The following NTM variants were observed in gnomAD, a reference collection of about 807,000 sequenced individuals.
NTM encodes the protein neurotrimin.
NTM carries 13 observed loss-of-function variants against 42.1 expected under a neutral mutation model. The ratio of observed to expected loss-of-function variants is 0.31; its 90% CI spans 0.20 to 0.49. The LOEUF (loss-of-function observed/expected upper bound fraction) is 0.49. Ranked by LOEUF, NTM falls within the 20% of genes least tolerant of loss-of-function variation. The pLI is 0.99. For missense variants in NTM, 373 were observed against 452.8 expected, an observed-to-expected ratio of 0.82 and a Z score of 1.60; for synonymous variants, 187 against 179.2, an observed-to-expected ratio of 1.04 and a Z score of -0.35.
intron 2 of NTM, among the ~76,000 whole-genome samples, chr11:131,971,962 G>A (rs2063596609): frequency 6.6e-6 from 1 of 150,626 alleles, no homozygotes; most frequent in Non-Finnish European, 1.5e-5. Flanking sequence ...AGAATGGCCT[G>A]AACCCTGGAT....
intron 3 of NTM, among the ~76,000 whole-genome samples, chr11:132,210,271 A>C (rs1221034889): frequency 6.6e-6 from 1 of 152,206 alleles, no homozygotes; most frequent in Non-Finnish European, 1.5e-5. Context: ...TGGAGGGGAC[A>C]CTTAACTTGC....
intron 2 of NTM, among the ~76,000 whole-genome samples, chr11:132,058,585 G>C (rs1310333032): frequency 6.6e-6 from 1 of 152,122 alleles, no homozygotes; most frequent in Non-Finnish European, 1.5e-5. Context: ...CTCTCTGCTT[G>C]CTATCTTTCA....
At chr11:131,475,016 A>AC (rs749876279) in intron 1 of NTM, among the ~76,000 whole-genome samples, 32 of 152,306 alleles carry the variant, frequency 2.1e-4, no homozygotes, top group Admixed American at 1.2e-3. Context: ...ACTTGTAATT[A>AC]CCCCAAACAA....
intron 1 of NTM, 136 bp downstream of exon 1, chr11:131,371,024 G>A: frequency 6.8e-7 from 1 of 1,479,664 alleles, no homozygotes; most frequent in Non-Finnish European, 8.9e-7. Flanking sequence ...CAGCATGGCT[G>A]GGACTTCATT....
At chr11:132,333,932 A>T (rs1465810760) in intron 8 of NTM, among the ~76,000 whole-genome samples, 1 of 152,254 alleles carries the variant, frequency 6.6e-6, no homozygotes, top group Non-Finnish European at 1.5e-5. Context: ...CCAGAAATGT[A>T]TCCAACGCTG....
chr11:131,472,323 T>C (rs1952512054), intron 1 of NTM, among the ~76,000 whole-genome samples: 1 of 152,178 alleles, frequency 6.6e-6, no homozygotes, highest in African/African-American at 2.4e-5. Flanking sequence ...GCAAAGGTGT[T>C]TGGGAAGACC....
At chr11:131,645,898 A>G (rs1166412362) in intron 1 of NTM, among the ~76,000 whole-genome samples, 1 of 152,208 alleles carries the variant, frequency 6.6e-6, no homozygotes, top group East Asian at 1.9e-4. Context: ...AGAAACGTTC[A>G]TGACGTTTGG....
In NTM at chr11:131,712,379, G is replaced by A. The variant is rs985508390; in HGVS notation, c.83-199185G>A. On this transcript the variant is annotated intron_variant, in intron 1 of 8. Coordinates refer to ENST00000683400, the MANE Select transcript of NTM (RefSeq NM_001352005.2). ...TGTTAGCTGTAAGAACTACCTTCTC[G>A]GAAACTTCTGTGTATATATTTATAG... Among the ~76,000 whole-genome samples, 98 of 151,846 alleles carry A rather than the reference G, an allele frequency of 6.5e-4. 1 individual carries two copies. The highest frequency in any genetic ancestry group is 6.3e-3 in the Admixed American group (96 of 15,240).
At chr11:131,813,599 A>T (rs756871047) in intron 1 of NTM, among the ~76,000 whole-genome samples, 5 of 152,216 alleles carry the variant, frequency 3.3e-5, no homozygotes, top group Non-Finnish European at 5.9e-5. Flanking sequence ...GATGTTACAG[A>T]TGAGGAGGCT....
At chr11:131,925,836 C>T (rs970058519) in intron 2 of NTM, among the ~76,000 whole-genome samples, 8 of 152,120 alleles carry the variant, frequency 5.3e-5, no homozygotes, top group Non-Finnish European at 1.2e-4. Context: ...TGCAGAGACA[C>T]GGGGCAAGAT....
At chr11:132,319,178 G>T (rs2095503194) in intron 7 of NTM, among the ~76,000 whole-genome samples, 1 of 152,190 alleles carries the variant, frequency 6.6e-6, no homozygotes, top group South Asian at 2.1e-4. Context: ...CCAGTCTACA[G>T]CTCCCAGTGT....
At chr11:132,171,965 C>T (rs1462913019) in intron 3 of NTM, among the ~76,000 whole-genome samples, 1 of 152,168 alleles carries the variant, frequency 6.6e-6, no homozygotes, top group African/African-American at 2.4e-5. Flanking sequence ...CTCTAATCCC[C>T]ACTAACTTCA....
At chr11:131,391,487 A>G (rs1943977704) in intron 1 of NTM, among the ~76,000 whole-genome samples, 1 of 152,048 alleles carries the variant, frequency 6.6e-6, no homozygotes, top group South Asian at 2.1e-4. Flanking sequence ...CATCCATTAA[A>G]CATTCTCGCA....
intron 1 of NTM, among the ~76,000 whole-genome samples, chr11:131,723,296 T>C (rs2078585508): frequency 6.6e-6 from 1 of 152,248 alleles, no homozygotes; most frequent in South Asian, 2.1e-4. Flanking sequence ...AGCCCGCTAT[T>C]GTTCCTGATG....
At chr11:131,384,984 C>T (rs372285725) in intron 1 of NTM, among the ~76,000 whole-genome samples, 3 of 152,162 alleles carry the variant, frequency 2.0e-5, no homozygotes, top group African/African-American at 4.8e-5. Flanking sequence ...CAGTCTAAGG[C>T]GGCAGCATCT....
At chr11:132,063,404 T>G (rs952126822) in intron 2 of NTM, among the ~76,000 whole-genome samples, 1 of 152,110 alleles carries the variant, frequency 6.6e-6, no homozygotes, top group African/African-American at 2.4e-5. Flanking sequence ...CCCACAAAGC[T>G]GGAAATGGGA....
chr11:132,015,241 A>C (rs1292950056), intron 2 of NTM, among the ~76,000 whole-genome samples: 2 of 152,006 alleles, frequency 1.3e-5, no homozygotes, highest in African/African-American at 4.8e-5. Context: ...ATAATGCTCC[A>C]TTGAATTATG....
intron 1 of NTM, among the ~76,000 whole-genome samples, chr11:131,634,598 T>C: frequency 6.6e-6 from 1 of 151,726 alleles, no homozygotes; most frequent in Middle Eastern, 3.2e-3. Context: ...TCATTTCTCT[T>C]TGAAGTAACT....
At chr11:131,489,286 C>T (rs182019581) in intron 1 of NTM, among the ~76,000 whole-genome samples, 11 of 152,268 alleles carry the variant, frequency 7.2e-5, no homozygotes, top group African/African-American at 1.9e-4. Flanking sequence ...CTTTTTTCCC[C>T]GTAGAAAGCT....
Sources: allele counts gnomAD v4.1 joint callset (sites outside exome capture counted in the v4.1 genomes callset), GRCh38; gene constraint gnomAD v4.1.1; transcripts MANE v1.5; gene names NCBI Gene and HGNC (gene_info 2026-07-23, HGNC 2026-07-21).